The following CEP89 variants were observed in gnomAD, a reference collection of about 807,000 sequenced individuals.
CEP89 encodes the protein centrosomal protein of 89 kDa.
Under a neutral mutation model 97.6 loss-of-function variants are expected in CEP89, and 95 were observed. The observed-to-expected ratio is 0.97, with a 90% confidence interval of 0.82 to 1.15. The LOEUF (loss-of-function observed/expected upper bound fraction) is 1.15. Among genes scored for constraint, CEP89 ranks in the 50% most tolerant of loss-of-function variants. The pLI is 0.00. For missense variants in CEP89, 869 were observed against 947.7 expected, an observed-to-expected ratio of 0.92 and a Z score of 1.09; for synonymous variants, 354 against 349.1, an observed-to-expected ratio of 1.01 and a Z score of -0.16.
chr19:32,966,270 A>T lies in CEP89; in HGVS notation c.146+90T>A, dbSNP rs546971528. On this transcript the variant is annotated intron_variant, in intron 2 of 18. Coordinates refer to ENST00000305768, the MANE Select transcript of CEP89 (RefSeq NM_032816.5). The stretch of plus-strand genomic sequence containing the variant: ...ACATGATTCTAACCACCCTACTTAT[A>T]CTTTTCTGGGCAGTTTGAGCAGTTC... 9 of 566,710 alleles carry T rather than the reference A, an allele frequency of 1.6e-5. No homozygotes were observed. The African/African-American group carries it at 1.7e-4, about 11-fold the overall frequency. The allele number at this position is 566,710 out of a possible 1,614,324, so 35.1% of individuals were successfully genotyped here.
chr19:32,970,396 C>G (rs1971374691), intron 1 of CEP89: 1 of 152,186 alleles, frequency 6.6e-6, no homozygotes, highest in East Asian at 1.9e-4. Context: ...TGGCTCACAC[C>G]TGTAATCCCA....
intron 18 of CEP89, among the ~76,000 whole-genome samples, chr19:32,880,514 C>A (rs970877293): frequency 1.3e-5 from 2 of 151,952 alleles, no homozygotes; most frequent in Non-Finnish European, 2.9e-5. Flanking sequence ...TGGCATGCAC[C>A]TGTATTTCCA....
At chr19:32,965,340 G>A (rs1971257720) in intron 2 of CEP89, among the ~76,000 whole-genome samples, 1 of 152,140 alleles carries the variant, frequency 6.6e-6, no homozygotes, top group Non-Finnish European at 1.5e-5. Flanking sequence ...GGTTGAGGCT[G>A]CAGTGAGTCA....
chr19:32,902,638 T>C (rs1163821046), intron 14 of CEP89, among the ~76,000 whole-genome samples: 1 of 152,176 alleles, frequency 6.6e-6, no homozygotes, highest in African/African-American at 2.4e-5. Context: ...AACTGCTCCC[T>C]CCACCTTCTT....
chr19:32,911,550 G>C (rs774967649), intron 14 of CEP89, among the ~76,000 whole-genome samples: 5 of 152,222 alleles, frequency 3.3e-5, no homozygotes, highest in Admixed American at 6.5e-5. Context: ...CTACTCAGGA[G>C]GCTGAAGCGG....
In CEP89 at chr19:32,966,422, C is replaced by A; in HGVS notation, c.84G>T (p.Pro28=). The change falls in exon 2 of 19, where the codon CCG becomes CCT. Residue 28 remains proline (P), a synonymous_variant. Coordinates refer to ENST00000305768, the MANE Select transcript of CEP89 (RefSeq NM_032816.5). ...GAGGTGTGCGTGGCACAGCTGCCTTCGGAGCAACGCTGGCTGCAGGTAAAA... is the reference window on the plus strand; with the variant it reads ...GAGGTGTGCGTGGCACAGCTGCCTTAGGAGCAACGCTGGCTGCAGGTAAAA... ...HGLLPAASVA[P]KAAVPRTPPP... 2 of 1,562,052 alleles carry A rather than the reference C, an allele frequency of 1.3e-6. No individual in the cohort carries two copies. The highest frequency in any genetic ancestry group is 2.4e-5 in the East Asian group (1 of 41,092).
intron 16 of CEP89, among the ~76,000 whole-genome samples, chr19:32,896,829 A>T (rs1599718663): frequency 6.6e-6 from 1 of 152,046 alleles, no homozygotes; most frequent in African/African-American, 2.4e-5. Context: ...ACAAACAAAC[A>T]AAACCAATCC....
intron 5 of CEP89, among the ~76,000 whole-genome samples, chr19:32,947,031 G>T (rs927256722): frequency 1.3e-5 from 2 of 152,054 alleles, no homozygotes; most frequent in Non-Finnish European, 2.9e-5. Flanking sequence ...CTGACCAACA[G>T]GTGTTTTCTG....
chr19:32,926,029 C>G (rs1970350230), intron 11 of CEP89, among the ~76,000 whole-genome samples, 161 bp downstream of exon 11: 1 of 151,988 alleles, frequency 6.6e-6, no homozygotes, highest in African/African-American at 2.4e-5. Context: ...TCCCTGCCTC[C>G]CACCCTGCCA....
intron 12 of CEP89, among the ~76,000 whole-genome samples, chr19:32,921,015 G>A (rs995265509): frequency 6.6e-6 from 1 of 151,438 alleles, no homozygotes; most frequent in African/African-American, 2.4e-5. Context: ...GTCAGGAGTT[G>A]GAGACCAGCC....
chr19:32,931,564 TG>T lies in CEP89; in HGVS notation c.893del (p.Ala298AspfsTer21), dbSNP rs1568566948. On this transcript the variant is annotated frameshift_variant, in exon 9 of 19. Coordinates refer to ENST00000305768, the MANE Select transcript of CEP89 (RefSeq NM_032816.5). LOFTEE classifies it high-confidence loss of function. The stretch of plus-strand genomic sequence containing the variant: ...GTTTTCGCAGATAAAGTAATTCAGG[TG>T]CAGCAACTAGGGAAAAAAATTTAAT... ...AEKASSQEVA[A>X]PELLYLRKQA... is the part of the protein sequence containing the mutation. 2.5e-6 allele frequency: 4 copies of T among 1,579,814 alleles called. No homozygotes were observed. The highest frequency in any genetic ancestry group is 3.4e-6 in the Non-Finnish European group (4 of 1,172,072).
Position 32,909,225 on chromosome 19 carries a change from G to A in CEP89, c.1565+6112C>T, listed in dbSNP as rs2058132920. Reference sequence around the variant, plus strand: ...AGGAAATTTAGCAAACTCTTTTGGGGAGAGCTAAAGATTTAAGGGGACAGG... The same window carrying A: ...AGGAAATTTAGCAAACTCTTTTGGGAAGAGCTAAAGATTTAAGGGGACAGG... On this transcript the variant is annotated intron_variant, in intron 14 of 18. Transcript: ENST00000305768. Among the ~76,000 whole-genome samples the A allele has an allele frequency of 2.6e-5, 4 of 152,344 alleles. No individual in the cohort carries two copies. In the South Asian group the frequency reaches 8.3e-4, roughly 32 times the overall value.
chr19:32,884,794 C>T (rs1311039723), intron 17 of CEP89, among the ~76,000 whole-genome samples: 1 of 152,066 alleles, frequency 6.6e-6, no homozygotes, highest in African/African-American at 2.4e-5. Flanking sequence ...AACTCCTGGT[C>T]TCAAGCGATC....
At chr19:32,944,541 G>A (rs1970755959) in intron 5 of CEP89, among the ~76,000 whole-genome samples, 1 of 152,150 alleles carries the variant, frequency 6.6e-6, no homozygotes, top group South Asian at 2.1e-4. Flanking sequence ...GAAGGTCTCT[G>A]GTCCAGTGGT....
intron 3 of CEP89, among the ~76,000 whole-genome samples, chr19:32,959,046 C>CAA (rs34340476): frequency 2.9e-5 from 3 of 102,364 alleles, no homozygotes; most frequent in African/African-American, 6.8e-5. Flanking sequence ...ACAAACAAAA[C>CAA]AAAAAAAAAA....
At chr19:32,921,310 T>C (rs886443709) in intron 12 of CEP89, among the ~76,000 whole-genome samples, 1 of 151,794 alleles carries the variant, frequency 6.6e-6, no homozygotes, top group African/African-American at 2.4e-5. Context: ...TTAGCAGCCG[T>C]GCAGGTGTGC....
At chr19:32,931,696 G>C (rs929052977) in intron 8 of CEP89, 125 bp from the exon 9 acceptor site, 3 of 653,222 alleles carry the variant, frequency 4.6e-6, no homozygotes, top group African/African-American at 1.9e-5. Flanking sequence ...CTGTGTGTGC[G>C]TGTGTGTCTG....
At chr19:32,967,331 C>A (rs12981020) in intron 1 of CEP89, among the ~76,000 whole-genome samples, 15,344 of 152,212 alleles carry the variant, frequency 0.1, 1,028 homozygotes, top group East Asian at 0.29. Context: ...CTAGTCCAAT[C>A]ATTTTCTTGG....
Position 32,887,840 on chromosome 19 carries a change from G to A in CEP89, c.1877C>T (p.Ala626Val). ...ATCCTTCTCACTTTCTAAACATTTT[G>A]CCTAGGGAGAAGGGTGATAAATGGG... ...TQERDSLMCL[A>V]KCLESEKDGV... The change falls in exon 17 of 19, where the codon GCA becomes GTA. Residue 626 changes from alanine to valine, a missense_variant and splice_region_variant. Ala to Val is a moderately conservative substitution (Grantham distance 64). Coordinates refer to ENST00000305768, the MANE Select transcript of CEP89 (RefSeq NM_032816.5). 6.3e-7 allele frequency: 1 copy of A among 1,595,860 alleles called. No individual in the cohort carries two copies. The highest frequency in any genetic ancestry group is 8.6e-7 in the Non-Finnish European group (1 of 1,164,590).
Sources: allele counts gnomAD v4.1 joint callset (sites outside exome capture counted in the v4.1 genomes callset), GRCh38; gene constraint gnomAD v4.1.1; transcripts MANE v1.5; gene names NCBI Gene and HGNC (gene_info 2026-07-23, HGNC 2026-07-21).